Variants in UHMK1 observed in about 807,000 individuals in gnomAD.
UHMK1 encodes the protein U2AF homology motif kinase 1, also known as serine/threonine-protein kinase Kist.
Under a neutral mutation model 44.0 loss-of-function variants are expected in UHMK1, and 18 were observed. The ratio of observed to expected loss-of-function variants is 0.41; its 90% CI spans 0.28 to 0.61. The LOEUF is 0.61. UHMK1 is among the 20% of genes least tolerant of loss of function. UHMK1 has a pLI of 0.31. For synonymous variants in UHMK1, 231 were observed against 198.5 expected, an observed-to-expected ratio of 1.16 and a Z score of -1.38; for missense variants, 463 against 522.5, an observed-to-expected ratio of 0.89 and a Z score of 1.11.
At chr1:162,516,757 C>A (rs1362790068) in intron 6 of UHMK1, among the ~76,000 whole-genome samples, 1 of 152,150 alleles carries the variant, frequency 6.6e-6, no homozygotes, top group African/African-American at 2.4e-5. Context: ...TACACATATG[C>A]TTTTACTCTC....
At chr1:162,511,041 G>A (rs926566562) in intron 4 of UHMK1, among the ~76,000 whole-genome samples, 1 of 151,918 alleles carries the variant, frequency 6.6e-6, no homozygotes, top group Non-Finnish European at 1.5e-5. Flanking sequence ...CTGTTGATTA[G>A]CGATATTGAG....
chr1:162,498,608 G>A (rs972952367), intron 1 of UHMK1, among the ~76,000 whole-genome samples: 1 of 152,178 alleles, frequency 6.6e-6, no homozygotes, highest in East Asian at 1.9e-4. Context: ...GGAAATTTTT[G>A]AATCTTTGCA....
chr1:162,517,391 T>C (rs953846561), intron 6 of UHMK1, among the ~76,000 whole-genome samples: 1 of 152,168 alleles, frequency 6.6e-6, no homozygotes, highest in African/African-American at 2.4e-5. Flanking sequence ...GGTAAAAGTT[T>C]GGAAATTGTC....
At chr1:162,499,542 A>G (rs78594511) in intron 1 of UHMK1, among the ~76,000 whole-genome samples, 214 of 152,224 alleles carry the variant, frequency 1.4e-3, no homozygotes, top group African/African-American at 4.9e-3. Flanking sequence ...TAAAAGAGTT[A>G]CTTAATATTT....
In UHMK1 at chr1:162,498,021, C is replaced by T. The variant is rs749245412; in HGVS notation, c.21C>T (p.Ala7=). Residue 7 remains alanine (A), a synonymous_variant, in exon 1 of 8, where the codon GCC becomes GCT. Coordinates refer to ENST00000489294, the MANE Select transcript of UHMK1 (RefSeq NM_175866.5). ...CACCGATGGCGGGATCCGGCTGCGC[C>T]TGGGGCGCGGAGCCGCCGCGTTTTC... MAGSGC[A]WGAEPPRFLE... 19 of 1,594,786 alleles carry T rather than the reference C, an allele frequency of 1.2e-5. 1 individual carries two copies. In the South Asian group the frequency reaches 2.0e-4, roughly 17 times the overall value.
chr1:162,515,631 C>G (rs1361429343), intron 6 of UHMK1, among the ~76,000 whole-genome samples: 2 of 152,162 alleles, frequency 1.3e-5, no homozygotes, highest in African/African-American at 4.8e-5. Flanking sequence ...CTCTGAATTT[C>G]TTGGAATCAG....
At position 162,498,326 on chromosome 1, in the gene UHMK1, C is replaced by G. The variant is rs367643243; in HGVS notation, c.268+58C>G. The G allele has an allele frequency of 2.6e-6, 4 of 1,511,516 alleles. No homozygotes were observed. The East Asian group carries it at 7.0e-5, about 27-fold the overall frequency. 93.6% of individuals were successfully genotyped at this position (1,511,516 alleles called of 1,614,324 possible). A position where few individuals can be genotyped will look rare whatever the true frequency, so the allele number is the denominator to read the frequency against. ...CAGGTCACAGTCCGAGCACACTCTT[C>G]CTCTCGCTGTCTGGCGTTCCATCTT... On this transcript the variant is annotated intron_variant, in intron 1 of 7. Transcript: ENST00000489294.
At position 162,505,910 on chromosome 1, in the gene UHMK1, A is replaced by G. The variant is rs1651452067; in HGVS notation, c.848+2062A>G. 2.6e-5 allele frequency among the ~76,000 whole-genome samples: 4 copies of G among 152,332 alleles called. No individual in the cohort carries two copies. In the South Asian group the frequency reaches 8.3e-4, roughly 32 times the overall value. ...AAAATGTTACAGAGAGGTCCCTACC[A>G]TTTACCCAGTTTCCCCCAGTGGTAA... On this transcript the variant is annotated intron_variant, in intron 4 of 7. Coordinates refer to ENST00000489294, the MANE Select transcript of UHMK1 (RefSeq NM_175866.5).
rs149932982 is a variant in UHMK1 at position 162,518,460 on chromosome 1, C to T, written c.1113+270C>T. On this transcript the variant is annotated intron_variant, in intron 7 of 7. Coordinates refer to ENST00000489294, the MANE Select transcript of UHMK1 (RefSeq NM_175866.5). ...CCTGTAATCCCAGCACTTTGGGAGGCTGAGGTGGGTGGATTACTTGAGGTT... is the reference window on the plus strand; with the variant it reads ...CCTGTAATCCCAGCACTTTGGGAGGTTGAGGTGGGTGGATTACTTGAGGTT... 1.4e-3 allele frequency among the ~76,000 whole-genome samples: 205 copies of T among 151,436 alleles called. 5 individuals carry two copies. The East Asian group carries it at 0.033, about 25-fold the overall frequency.
Position 162,523,752 on chromosome 1 carries a change from TTAGCTGAAGACAAAC to T in UHMK1, c.*1206_*1220del, listed in dbSNP as rs1652143960. On this transcript the variant is annotated 3_prime_UTR_variant, in exon 8 of 8. Transcript: ENST00000489294. ...CTTCCCTCATTCTTTGCCTCTATCC[TTAGCTGAAGACAAAC>T]TAGAGGAGCAGCATCCCAGGTAGTT... 1 of 152,200 alleles carries T rather than the reference TTAGCTGAAGACAAAC, an allele frequency of 6.6e-6. No homozygotes were observed. Among genetic ancestry groups the T allele is most frequent in the Non-Finnish European group, 1.5e-5 (1 of 68,032 alleles). 9.4% of individuals were successfully genotyped at this position (152,200 alleles called of 1,614,324 possible).
intron 4 of UHMK1, among the ~76,000 whole-genome samples, chr1:162,509,348 A>C (rs550575514): frequency 2.0e-5 from 3 of 152,300 alleles, no homozygotes; most frequent in East Asian, 1.9e-4. Context: ...GCACTGAAAG[A>C]AAGCTTTGGC....
chr1:162,514,053 A>G (rs6427673), intron 6 of UHMK1, among the ~76,000 whole-genome samples: 1 of 151,986 alleles, frequency 6.6e-6, no homozygotes, highest in Non-Finnish European at 1.5e-5. Flanking sequence ...CAAGGACAAC[A>G]GTTGTGAAGC....
intron 4 of UHMK1, among the ~76,000 whole-genome samples, chr1:162,507,804 T>C (rs1439821734): frequency 6.6e-6 from 1 of 151,890 alleles, no homozygotes; most frequent in Non-Finnish European, 1.5e-5. Context: ...GTCAGGATGG[T>C]CTCGATCTCC....
intron 6 of UHMK1, among the ~76,000 whole-genome samples, chr1:162,517,641 C>T (rs1353489283): frequency 1.3e-5 from 2 of 152,116 alleles, no homozygotes; most frequent in Non-Finnish European, 2.9e-5. Flanking sequence ...AATCCCAGCA[C>T]TTTAGGAGGC....
intron 2 of UHMK1, 33 bp from the exon 3 acceptor site, chr1:162,500,880 T>C (rs1557939275): frequency 6.3e-7 from 1 of 1,586,680 alleles, no homozygotes; most frequent in Non-Finnish European, 8.6e-7. Context: ...AGCAGCTTTT[T>C]TATTGGTTGT....
chr1:162,521,302 T>C (rs1221649814), intron 7 of UHMK1, among the ~76,000 whole-genome samples: 1 of 152,190 alleles, frequency 6.6e-6, no homozygotes, highest in South Asian at 2.1e-4. Flanking sequence ...TATAGAAAAG[T>C]ATAGCCTATC....
Position 162,497,872 on chromosome 1 carries a change from T to G in UHMK1, c.-129T>G. 6.6e-6 allele frequency: 9 copies of G among 1,372,388 alleles called. No individual in the cohort carries two copies. Among genetic ancestry groups the G allele is most frequent in the Admixed American group, 3.4e-5 (1 of 29,426 alleles). The allele number at this position is 1,372,388 out of a possible 1,614,324, so 85.0% of individuals were successfully genotyped here. A position where few individuals can be genotyped will look rare whatever the true frequency, so the allele number is the denominator to read the frequency against. On this transcript the variant is annotated 5_prime_UTR_variant, in exon 1 of 8. Coordinates refer to ENST00000489294, the MANE Select transcript of UHMK1 (RefSeq NM_175866.5). Reference sequence around the variant, plus strand: ...TCATGGCTGCTTGAAGTCCCGGGAGTCGGTGAGGCGGCTGCAGGTCCCTCC... The same window carrying G: ...TCATGGCTGCTTGAAGTCCCGGGAGGCGGTGAGGCGGCTGCAGGTCCCTCC...
At chr1:162,500,801 A>G (rs889089407) in intron 2 of UHMK1, 112 bp from the exon 3 acceptor site, 4 of 1,071,324 alleles carry the variant, frequency 3.7e-6, no homozygotes, top group African/African-American at 1.6e-5. Context: ...AATTTTTAGC[A>G]TTTAGCTTGG....
At chr1:162,502,717 C>T (rs538766658) in intron 3 of UHMK1, among the ~76,000 whole-genome samples, 2 of 152,266 alleles carry the variant, frequency 1.3e-5, no homozygotes, top group Non-Finnish European at 2.9e-5. Flanking sequence ...GCAAAATTGC[C>T]AACTGATTAT....
Sources: allele counts gnomAD v4.1 joint callset (sites outside exome capture counted in the v4.1 genomes callset), GRCh38; gene constraint gnomAD v4.1.1; transcripts MANE v1.5; gene names NCBI Gene and HGNC (gene_info 2026-07-23, HGNC 2026-07-21).